Variants in EDA observed in about 807,000 individuals in gnomAD.
The protein encoded by EDA is ectodysplasin A, also known as ectodysplasin-A.
In EDA, 2 loss-of-function variants were observed where a neutral mutation model predicts 23.6. The observed-to-expected ratio is 0.08, with a 90% CI of 0.03 to 0.27. The LOEUF is 0.27. Among genes scored for constraint, EDA ranks in the 10% least tolerant of loss-of-function variants. The pLI is 1.00. For missense variants in EDA, 229 were observed against 324.2 expected (o/e 0.71, Z 2.26); for synonymous variants, 131 against 132.0 (o/e 0.99, Z 0.05).
At position 69,731,564 on chromosome X, in the gene EDA, C is replaced by A. The variant is rs758881550; in HGVS notation, c.396+114860C>A. ...TCAAGCAATTATCCTGCCTCAACCT[C>A]CTGAGTAGCTGAGATTACAGGCGCA... On this transcript the variant is annotated intron_variant, in intron 1 of 7. Transcript: ENST00000374552. 1.3e-4 allele frequency among the ~76,000 whole-genome samples: 14 copies of A among 110,473 alleles called. No homozygotes were observed. The South Asian group carries it at 5.5e-3, about 44-fold the overall frequency.
At chrX:69,632,265 T>A (rs1932628181) in intron 1 of EDA, among the ~76,000 whole-genome samples, 1 of 111,740 alleles carries the variant, frequency 8.9e-6, no homozygotes, top group Non-Finnish European at 1.9e-5. Context: ...TACATTCTCT[T>A]GTGGGGCTGG....
At chrX:69,772,597 G>A (rs1417456386) in intron 1 of EDA, among the ~76,000 whole-genome samples, 2 of 111,300 alleles carry the variant, frequency 1.8e-5, no homozygotes, top group Non-Finnish European at 3.8e-5. Flanking sequence ...TCATTAGTGA[G>A]CAAAGTATCC....
chrX:69,681,609 C>T (rs1158069481), intron 1 of EDA, among the ~76,000 whole-genome samples: 125 of 111,059 alleles, frequency 1.1e-3, no homozygotes, highest in Non-Finnish European at 1.7e-3. Context: ...TCCAGTTGAT[C>T]GCATCGGCTC....
At chrX:69,618,259 C>G (rs890285909) in intron 1 of EDA, among the ~76,000 whole-genome samples, 1 of 111,899 alleles carries the variant, frequency 8.9e-6, no homozygotes, top group African/African-American at 3.3e-5. Context: ...TTTTTATAGA[C>G]TGAGGATTAG....
intron 1 of EDA, among the ~76,000 whole-genome samples, chrX:69,768,066 A>G (rs983355549): frequency 9.0e-6 from 1 of 111,625 alleles, no homozygotes; most frequent in Non-Finnish European, 1.9e-5. Context: ...TTGAGTTGTA[A>G]GAGTTCCTTA....
Position 70,037,615 on chromosome X carries a change from C to CA in EDA, c.*2009dup, listed in dbSNP as rs1305955820. The CA allele has an allele frequency of 9.0e-6, 1 of 111,688 alleles. No homozygotes were observed. The highest frequency in any genetic ancestry group is 3.8e-4 in the South Asian group (1 of 2,640). 9.2% of individuals were successfully genotyped at this position (111,688 alleles called of 1,213,427 possible). ...CTGGAGCTTCAGCCAGGTCTGACTC[C>CA]AAAGCTGTTCCATTACACCACAGCA... On this transcript the variant is annotated 3_prime_UTR_variant, in exon 8 of 8. Coordinates refer to ENST00000374552, the MANE Select transcript of EDA (RefSeq NM_001399.5).
At chrX:69,837,537 G>A (rs1424507675) in intron 1 of EDA, among the ~76,000 whole-genome samples, 2 of 111,971 alleles carry the variant, frequency 1.8e-5, no homozygotes, top group East Asian at 2.8e-4. Context: ...TGATTTTTTT[G>A]TTAAGATCAT....
At chrX:69,932,739 G>A (rs113115590) in intron 1 of EDA, among the ~76,000 whole-genome samples, 2,406 of 111,147 alleles carry the variant, frequency 0.022, 56 homozygotes, top group African/African-American at 0.075. Flanking sequence ...CCAACCCTCC[G>A]AATCCTAATC....
At chrX:70,016,529 A>G (rs1282990435) in intron 2 of EDA, among the ~76,000 whole-genome samples, 3 of 112,181 alleles carry the variant, frequency 2.7e-5, no homozygotes, top group Non-Finnish European at 5.6e-5. Flanking sequence ...AACAGAAATC[A>G]TACCAACCAC....
intron 1 of EDA, among the ~76,000 whole-genome samples, chrX:69,956,506 G>A (rs1011232853): frequency 3.7e-5 from 4 of 108,794 alleles, no homozygotes; most frequent in Admixed American, 9.9e-5. Context: ...CACCACACCC[G>A]GCTAATTTTG....
rs187172214 is a variant in EDA, at chrX:69,656,782, G to A, written c.396+40078G>A. On this transcript the variant is annotated intron_variant, in intron 1 of 7. Transcript: ENST00000374552. ...TTCTGTTCCTGCATTAGTTTGCTTAGGATAATGGCCTCCAACTGCATCCAT... is the reference window on the plus strand; with the variant it reads ...TTCTGTTCCTGCATTAGTTTGCTTAAGATAATGGCCTCCAACTGCATCCAT... Among the ~76,000 whole-genome samples, 23 of 111,682 alleles carry A rather than the reference G, an allele frequency of 2.1e-4. No homozygotes were observed. The East Asian group carries it at 6.5e-3, about 32-fold the overall frequency.
intron 2 of EDA, among the ~76,000 whole-genome samples, chrX:69,959,944 A>G (rs999607025): frequency 8.1e-5 from 9 of 111,729 alleles, no homozygotes. Flanking sequence ...TGTGGCTGGG[A>G]GCAGAGTAAG....
chrX:70,014,254 G>A (rs1161314081), intron 2 of EDA, among the ~76,000 whole-genome samples: 1 of 112,984 alleles, frequency 8.9e-6, no homozygotes, highest in African/African-American at 3.2e-5. Flanking sequence ...GGCTGGGCAA[G>A]AGCCTGCCTA....
chrX:69,937,611 A>G (rs2018693148), intron 1 of EDA: 2 of 1,115,541 alleles, frequency 1.8e-6, no homozygotes, highest in Non-Finnish European at 2.5e-6. Flanking sequence ...AAGTTCTGCA[A>G]AGTACTGGGT....
intron 1 of EDA, among the ~76,000 whole-genome samples, chrX:69,763,973 A>G (rs941936227): frequency 1.8e-5 from 2 of 111,169 alleles, no homozygotes; most frequent in Admixed American, 1.9e-4. Context: ...AGACTATGCT[A>G]TAATAAATTT....
chrX:69,733,939 A>G (rs2013150691), intron 1 of EDA, among the ~76,000 whole-genome samples: 1 of 109,738 alleles, frequency 9.1e-6, no homozygotes, highest in African/African-American at 3.3e-5. Flanking sequence ...TATCAAGGTA[A>G]TAATCGCTTC....
intron 1 of EDA, among the ~76,000 whole-genome samples, chrX:69,683,456 A>G (rs192790545): frequency 3.6e-5 from 4 of 111,885 alleles, no homozygotes; most frequent in Admixed American, 1.9e-4. Flanking sequence ...AAGGCTTATT[A>G]TGAATGCCAT....
chrX:69,958,440 T>G lies in EDA; in HGVS notation c.502+1308T>G, dbSNP rs146113983. Among the ~76,000 whole-genome samples the G allele has an allele frequency of 1.5e-4, 16 of 109,070 alleles. No homozygotes were observed. The East Asian group carries it at 4.6e-3, about 32-fold the overall frequency. 94.7% of individuals were successfully genotyped at this position (109,070 alleles called of 115,157 possible). A position where few individuals can be genotyped will look rare whatever the true frequency, so the allele number is the denominator to read the frequency against. ...CTATTAAAGAGATGGAGCCAGGACT[T>G]TGTCAGTAGGGGCAATAAGAAGTAT... On this transcript the variant is annotated intron_variant, in intron 2 of 7. Coordinates refer to ENST00000374552, the MANE Select transcript of EDA (RefSeq NM_001399.5).
chrX:69,634,723 G>T (rs757146827), intron 1 of EDA, among the ~76,000 whole-genome samples: 1 of 110,591 alleles, frequency 9.0e-6, no homozygotes, highest in South Asian at 3.9e-4. Flanking sequence ...CTTTTAGAAG[G>T]TTCTTTCCTA....
Sources: gnomAD v4.1 joint callset for allele counts (sites outside exome capture counted in the v4.1 genomes callset) on GRCh38, gnomAD v4.1.1 for gene constraint, MANE v1.5 for transcripts, NCBI Gene and HGNC (gene_info 2026-07-23, HGNC 2026-07-21) for gene names.